The following POLK variants were observed in gnomAD, a reference collection of about 807,000 sequenced individuals.
POLK encodes the protein polymerase (DNA directed) kappa.
In POLK, 76 loss-of-function variants were observed where a neutral mutation model predicts 94.0. The ratio of observed to expected loss-of-function variants is 0.81; its 90% confidence interval spans 0.67 to 0.98. The LOEUF is 0.98. Among genes scored for constraint, POLK ranks in the 50% least tolerant of loss-of-function variants. The pLI, the probability that POLK is intolerant of heterozygous loss-of-function variation, is 0.00. For synonymous variants in POLK, 349 were observed against 325.4 expected (o/e 1.07, Z -0.78); for missense variants, 954 against 1,010.1 (o/e 0.94, Z 0.75).
chr5:75,525,978 T>G (rs545041547), intron 1 of POLK, among the ~76,000 whole-genome samples: 4 of 152,194 alleles, frequency 2.6e-5, no homozygotes, highest in African/African-American at 9.6e-5. Flanking sequence ...TTAAAGACAC[T>G]TAAATGAAAT....
At chr5:75,535,757 G>T (rs1402677327) in intron 1 of POLK, among the ~76,000 whole-genome samples, 1 of 152,084 alleles carries the variant, frequency 6.6e-6, no homozygotes, top group Non-Finnish European at 1.5e-5. Flanking sequence ...TAATACTTGG[G>T]ATTGCATTTT....
At chr5:75,541,852 T>A (rs1295450027) in intron 1 of POLK, among the ~76,000 whole-genome samples, 1 of 152,230 alleles carries the variant, frequency 6.6e-6, no homozygotes, top group Admixed American at 6.5e-5. Flanking sequence ...TTTTCATGTA[T>A]CTGTATGTAA....
At chr5:75,515,088 T>A (rs1033167575) in intron 1 of POLK, among the ~76,000 whole-genome samples, 2 of 152,172 alleles carry the variant, frequency 1.3e-5, no homozygotes, top group African/African-American at 4.8e-5. Context: ...AGCAAATATA[T>A]GTTCCAATTA....
At chr5:75,515,087 A>G (rs1768261230) in intron 1 of POLK, among the ~76,000 whole-genome samples, 1 of 152,132 alleles carries the variant, frequency 6.6e-6, no homozygotes. Context: ...TAGCAAATAT[A>G]TGTTCCAATT....
At chr5:75,592,097 C>T (rs945988124) in intron 11 of POLK, among the ~76,000 whole-genome samples, 2 of 152,186 alleles carry the variant, frequency 1.3e-5, no homozygotes. Flanking sequence ...TACATTTTAA[C>T]CATTTTTAAG....
rs149896133 is a variant in POLK at position 75,515,895 on chromosome 5, A to G, written c.-14+3981A>G. Among the ~76,000 whole-genome samples the G allele has an allele frequency of 2.4e-3, 365 of 152,334 alleles. 9 individuals carry two copies. The highest frequency in any genetic ancestry group is 0.022 in the Admixed American group (330 of 15,298). ...AACGTAGTGAGACCTCGTCTCTAGT[A>G]TAATAAAAAAAATTTTTTTTAAGCC... On this transcript the variant is annotated intron_variant, in intron 1 of 14. Coordinates refer to ENST00000241436, the Ensembl canonical transcript of POLK.
rs149397995 is a variant in POLK at position 75,562,235 on chromosome 5, T to G, written c.256-7105T>G. Among the ~76,000 whole-genome samples, 1,456 of 152,126 alleles carry G rather than the reference T, an allele frequency of 9.6e-3. 11 individuals are homozygous for G. Among genetic ancestry groups the G allele is most frequent in the South Asian group, 0.026 (126 of 4,818 alleles). On this transcript the variant is annotated intron_variant, in intron 3 of 14. Coordinates refer to ENST00000241436, the Ensembl canonical transcript of POLK. ...AAGAGGTCCTTCACATCCCTTGTAATTTGTATTCCTAGGTATTTTATTTAT... is the reference window on the plus strand; with the variant it reads ...AAGAGGTCCTTCACATCCCTTGTAAGTTGTATTCCTAGGTATTTTATTTAT...
At chr5:75,567,171 A>G (rs1041463513) in intron 3 of POLK, among the ~76,000 whole-genome samples, 1 of 152,226 alleles carries the variant, frequency 6.6e-6, no homozygotes, top group Non-Finnish European at 1.5e-5. Context: ...TATGAGTCTG[A>G]GGAGAATTTT....
chr5:75,599,774 G>C (rs1773255454), exon 15 of POLK: 1 of 152,024 alleles, frequency 6.6e-6, no homozygotes, highest in South Asian at 2.1e-4. Context: ...TTATCATTTA[G>C]TAATATTTAA....
chr5:75,515,944 G>A (rs921904539), intron 1 of POLK, among the ~76,000 whole-genome samples: 10 of 152,122 alleles, frequency 6.6e-5, no homozygotes, highest in Non-Finnish European at 1.0e-4. Context: ...TAAGATGATA[G>A]CTCATTGTGG....
intron 1 of POLK, among the ~76,000 whole-genome samples, chr5:75,514,620 A>C (rs1768235305): frequency 6.6e-6 from 1 of 152,244 alleles, no homozygotes; most frequent in Non-Finnish European, 1.5e-5. Context: ...TGCCCAGATC[A>C]TCGCTAGTGA....
downstream of POLK, among the ~76,000 whole-genome samples, chr5:75,601,324 A>G (rs922169018): frequency 6.6e-6 from 1 of 152,128 alleles, no homozygotes; most frequent in Non-Finnish European, 1.5e-5. Context: ...CTCAATCAGT[A>G]TTTGGTCTTC....
chr5:75,511,857 G>A, exon 1 of POLK: 2 of 1,536,342 alleles, frequency 1.3e-6, no homozygotes, highest in African/African-American at 1.4e-5. Context: ...TGGGAAGGGC[G>A]TTGGTCCGTC....
chr5:75,548,369 A>C (rs1052488975), intron 2 of POLK, among the ~76,000 whole-genome samples: 8 of 151,752 alleles, frequency 5.3e-5, no homozygotes, highest in African/African-American at 1.9e-4. Flanking sequence ...TGTTTGCTCC[A>C]TTTTATGTAG....
At chr5:75,558,022 C>T (rs182135211) in intron 3 of POLK, among the ~76,000 whole-genome samples, 1 of 152,128 alleles carries the variant, frequency 6.6e-6, no homozygotes, top group African/African-American at 2.4e-5. Flanking sequence ...CTCCTGAGCT[C>T]AAGTGATCCA....
chr5:75,567,757 A>C (rs1771351732), intron 3 of POLK, among the ~76,000 whole-genome samples: 1 of 152,222 alleles, frequency 6.6e-6, no homozygotes, highest in African/African-American at 2.4e-5. Flanking sequence ...AGATACGAAG[A>C]GATATTTCAG....
chr5:75,524,812 C>T (rs1288502750), intron 1 of POLK, among the ~76,000 whole-genome samples: 1 of 152,072 alleles, frequency 6.6e-6, no homozygotes, highest in East Asian at 1.9e-4. Context: ...CCAAAAGAAC[C>T]AGGGGAAGGG....
At chr5:75,597,519 AT>A in intron 13 of POLK, 1 of 417,866 alleles carries the variant, frequency 2.4e-6, no homozygotes. Flanking sequence ...TCTTTAACTT[AT>A]TTTTTGGTAG....
intron 1 of POLK, among the ~76,000 whole-genome samples, chr5:75,525,422 G>A (rs1768788403): frequency 6.6e-6 from 1 of 152,132 alleles, no homozygotes; most frequent in Non-Finnish European, 1.5e-5. Flanking sequence ...AAATGACAGA[G>A]GAATTGGTCT....
Sources: allele counts gnomAD v4.1 joint callset (sites outside exome capture counted in the v4.1 genomes callset), GRCh38; gene constraint gnomAD v4.1.1; transcripts MANE v1.5; gene names NCBI Gene and HGNC (gene_info 2026-07-23, HGNC 2026-07-21).